The following MKRN2 variants were observed in gnomAD, a reference collection of about 807,000 sequenced individuals.
MKRN2 encodes the protein E3 ubiquitin-protein ligase makorin-2.
MKRN2 carries 32 observed loss-of-function variants against 45.4 expected under a neutral mutation model. The observed-to-expected ratio is 0.70, with a 90% confidence interval of 0.53 to 0.95. The LOEUF (loss-of-function observed/expected upper bound fraction) is 0.95, where lower values mean the gene tolerates loss of function less well. MKRN2 is among the 40% of genes least tolerant of loss of function. The pLI, the probability that MKRN2 is intolerant of heterozygous loss-of-function variation, is 0.00. For synonymous variants in MKRN2, 206 were observed against 192.4 expected (o/e 1.07, Z -0.59); for missense variants, 526 against 536.7 (o/e 0.98, Z 0.20).
In MKRN2 at chr3:12,582,566, TCTTAC is replaced by T. The variant is rs1445182319; in HGVS notation, c.*317_*321del. ...GATTGCTTTAAAAAACAAACCTGGC[TCTTAC>T]CTTTGATCTTTTCTTCCCCAGAAAT... On this transcript the variant is annotated 3_prime_UTR_variant, in exon 8 of 8. Coordinates refer to ENST00000170447, the MANE Select transcript of MKRN2 (RefSeq NM_014160.5). 12 of 269,702 alleles carry T rather than the reference TCTTAC, an allele frequency of 4.4e-5. No homozygotes were observed. Among genetic ancestry groups the T allele is most frequent in the Admixed American group, 2.8e-4 (6 of 21,442 alleles). The allele number at this position is 269,702 out of a possible 1,614,324, so 16.7% of individuals were successfully genotyped here. A position where few individuals can be genotyped will look rare whatever the true frequency, so the allele number is the denominator to read the frequency against.
chr3:12,568,968 C>T lies in MKRN2; in HGVS notation c.120C>T (p.Tyr40=), dbSNP rs1575518907. The change falls in exon 2 of 8, where the codon TAC becomes TAT. Residue 40 remains tyrosine, a synonymous_variant. Transcript: ENST00000170447. ...NSKPSTICKY[Y]QKGYCAYGTR... is the part of the protein sequence containing the mutation. ...AACCGTCCACCATCTGCAAGTACTACCAGAAGGGCTACTGTGCCTATGGAA... is the reference window on the plus strand; with the variant it reads ...AACCGTCCACCATCTGCAAGTACTATCAGAAGGGCTACTGTGCCTATGGAA... 1 of 1,614,092 alleles carries T rather than the reference C, an allele frequency of 6.2e-7. No individual in the cohort carries two copies. The highest frequency in any genetic ancestry group is 2.2e-5 in the East Asian group (1 of 44,880).
chr3:12,560,995 G>A (rs2450855), intron 1 of MKRN2: 73,148 of 152,066 alleles, frequency 0.48, 18,957 homozygotes, highest in African/African-American at 0.67. Context: ...GGACAAGCAG[G>A]ATGTGCTCTA....
chr3:12,575,360 G>GT (rs571315376), intron 5 of MKRN2, among the ~76,000 whole-genome samples: 3 of 152,188 alleles, frequency 2.0e-5, no homozygotes, highest in African/African-American at 7.2e-5. Context: ...TTTGAGCTTC[G>GT]TTTTTTCCCC....
rs768175452 is a variant in MKRN2 at position 12,570,049 on chromosome 3, A to G, written c.156-22A>G. 3.4e-5 allele frequency: 54 copies of G among 1,579,206 alleles called. No individual in the cohort carries two copies. The Middle Eastern group carries it at 2.2e-3, about 64-fold the overall frequency. On this transcript the variant is annotated intron_variant, in intron 2 of 7. Coordinates refer to ENST00000170447, the MANE Select transcript of MKRN2 (RefSeq NM_014160.5). The stretch of plus-strand genomic sequence containing the variant: ...TGTGTGGGTGGCATGTCTGTAATGC[A>G]TCTGCTGTGTGTTTTGTTTAGATAT...
Position 12,572,204 on chromosome 3 carries a change from T to C in MKRN2, c.473T>C (p.Val158Ala). 6.2e-7 allele frequency: 1 copy of C among 1,613,644 alleles called. No homozygotes were observed. Among genetic ancestry groups the C allele is most frequent in the South Asian group, 1.1e-5 (1 of 91,048 alleles). Reference protein sequence around the residue: ...LDAIRSGLDDVEASSSYSNEQ... With the variant: ...LDAIRSGLDDAEASSSYSNEQ... ...GCCATCAGGAGTGGCCTTGATGACG[T>C]GGAGGCCAGCAGCTCCTACAGCAAC... The change falls in exon 4 of 8, where the codon GTG becomes GCG. Residue 158 changes from valine (V) to alanine (A), a missense_variant. By Grantham distance (64) the Val-to-Ala change is moderately conservative. Transcript: ENST00000170447.
chr3:12,572,729 C>A (rs1221113566), intron 4 of MKRN2, among the ~76,000 whole-genome samples: 1 of 151,880 alleles, frequency 6.6e-6, no homozygotes, highest in Admixed American at 6.6e-5. Context: ...GGATTACAGG[C>A]GCCCACCACC....
Position 12,583,179 on chromosome 3 carries a change from G to GTTTCTGATTC in MKRN2, c.*928_*937dup, listed in dbSNP as rs1269226806. On this transcript the variant is annotated 3_prime_UTR_variant, in exon 8 of 8. Transcript: ENST00000170447. ...TTGTAAAAATTTCATGGCACCCAAG[G>GTTTCTGATTC]TTTCTGATTCTGACCCAGCAGTGGT... is the stretch of plus-strand genomic sequence containing the variant. 6.6e-6 allele frequency: 1 copy of GTTTCTGATTC among 152,180 alleles called. No individual in the cohort carries two copies. Among genetic ancestry groups the GTTTCTGATTC allele is most frequent in the Non-Finnish European group, 1.5e-5 (1 of 68,032 alleles). The allele number at this position is 152,180 out of a possible 1,614,324, so 9.4% of individuals were successfully genotyped here.
At chr3:12,561,531 T>G (rs2058036351) in intron 1 of MKRN2, among the ~76,000 whole-genome samples, 3 of 152,134 alleles carry the variant, frequency 2.0e-5, no homozygotes, top group East Asian at 3.8e-4. Context: ...ATTCCTATAA[T>G]CCCAGCACTT....
intron 1 of MKRN2, among the ~76,000 whole-genome samples, chr3:12,560,127 CA>C: frequency 6.6e-6 from 1 of 152,164 alleles, no homozygotes; most frequent in South Asian, 2.1e-4. Flanking sequence ...ATAATAGCAA[CA>C]AACCATTTAT....
chr3:12,581,625 G>A (rs2058178844), intron 6 of MKRN2, among the ~76,000 whole-genome samples, 183 bp from the exon 7 acceptor site: 2 of 152,156 alleles, frequency 1.3e-5, no homozygotes, highest in Non-Finnish European at 2.9e-5. Context: ...TTGGAAATCA[G>A]AATCCCAGCT....
Position 12,572,255 on chromosome 3 carries a change from C to T in MKRN2, c.524C>T (p.Ala175Val), listed in dbSNP as rs1258095368. The change falls in exon 4 of 8, where the codon GCT becomes GTT. Residue 175 changes from alanine to valine, a missense_variant. Physicochemically the swap from Ala to Val is moderately conservative, Grantham distance 64. Coordinates refer to ENST00000170447, the MANE Select transcript of MKRN2 (RefSeq NM_014160.5). ...SNEQQLCPYA[A>V]AGECRFGDAC... ...GAGCAGCAGCTGTGCCCCTACGCAG[C>T]TGCTGGGGAGTGCCGGTTTGGGGAT... 3 of 1,614,120 alleles carry T rather than the reference C, an allele frequency of 1.9e-6. No homozygotes were observed. Among genetic ancestry groups the T allele is most frequent in the Non-Finnish European group, 2.5e-6 (3 of 1,180,006 alleles).
At chr3:12,570,693 A>G (rs182017777) in intron 3 of MKRN2, among the ~76,000 whole-genome samples, 7 of 152,008 alleles carry the variant, frequency 4.6e-5, no homozygotes, top group African/African-American at 7.2e-5. Flanking sequence ...CCTGGCCAAC[A>G]TGGTTTAGTA....
chr3:12,572,040 T>C lies in MKRN2; in HGVS notation c.338-29T>C, dbSNP rs752367830. 4.6e-6 allele frequency: 7 copies of C among 1,534,402 alleles called. No individual in the cohort carries two copies. In the African/African-American group the frequency reaches 5.5e-5, roughly 12 times the overall value. On this transcript the variant is annotated intron_variant, in intron 3 of 7. Coordinates refer to ENST00000170447, the MANE Select transcript of MKRN2 (RefSeq NM_014160.5). ...TACCAGAAAAATGGGGCCATTTTCATGTGCATGTGTGCTGTGTGTTGTTTT... is the reference window on the plus strand; with the variant it reads ...TACCAGAAAAATGGGGCCATTTTCACGTGCATGTGTGCTGTGTGTTGTTTT...
intron 1 of MKRN2, among the ~76,000 whole-genome samples, chr3:12,558,538 T>A (rs2058005087): frequency 6.8e-6 from 1 of 147,850 alleles, no homozygotes; most frequent in African/African-American, 2.7e-5. Context: ...ACAGTACACA[T>A]TTATGTAATA....
intron 6 of MKRN2, among the ~76,000 whole-genome samples, chr3:12,581,315 A>C (rs2058176936): frequency 6.6e-6 from 1 of 152,210 alleles, no homozygotes; most frequent in African/African-American, 2.4e-5. Context: ...CTATGGCTTT[A>C]GGCAGTTGCT....
At chr3:12,577,679 ATTTT>A (rs11307614) in intron 6 of MKRN2, among the ~76,000 whole-genome samples, 2 of 147,364 alleles carry the variant, frequency 1.4e-5, no homozygotes, top group Non-Finnish European at 3.0e-5. Context: ...TAAAGTGATG[ATTTT>A]TTTTTTTTTG....
chr3:12,565,743 T>C (rs1306379764), intron 1 of MKRN2, among the ~76,000 whole-genome samples: 1 of 152,142 alleles, frequency 6.6e-6, no homozygotes, highest in Non-Finnish European at 1.5e-5. Flanking sequence ...TTTCACCATG[T>C]TGCCCAGTCT....
intron 1 of MKRN2, 143 bp from the exon 2 acceptor site, chr3:12,568,732 T>G (rs762079627): frequency 8.4e-6 from 9 of 1,076,438 alleles, no homozygotes; most frequent in Non-Finnish European, 1.0e-5. Flanking sequence ...CAAGGAAATA[T>G]ATAGATCTCT....
At chr3:12,575,472 A>G (rs2058128096) in intron 5 of MKRN2, among the ~76,000 whole-genome samples, 1 of 152,210 alleles carries the variant, frequency 6.6e-6, no homozygotes, top group East Asian at 1.9e-4. Flanking sequence ...AATGTGGCCA[A>G]CATAGGAGTC....
Sources: allele counts gnomAD v4.1 joint callset (sites outside exome capture counted in the v4.1 genomes callset), GRCh38; gene constraint gnomAD v4.1.1; transcripts MANE v1.5; gene names NCBI Gene and HGNC (gene_info 2026-07-23, HGNC 2026-07-21).